Variants in CNNM2 observed in about 807,000 individuals in gnomAD.
CNNM2 encodes metal transporter CNNM2.
In CNNM2, 12 loss-of-function variants were observed where a neutral mutation model predicts 66.9. That is an observed-to-expected ratio of 0.18 (90% CI 0.11 to 0.29). The LOEUF (loss-of-function observed/expected upper bound fraction) is 0.29, where lower values mean the gene tolerates loss of function less well. CNNM2 is among the 10% of genes least tolerant of loss of function. The pLI is 1.00. For synonymous variants in CNNM2, 557 were observed against 501.8 expected, an observed-to-expected ratio of 1.11 and a Z score of -1.47; for missense variants, 705 against 1,167.7, an observed-to-expected ratio of 0.60 and a Z score of 5.77.
intron 1 of CNNM2, among the ~76,000 whole-genome samples, chr10:103,005,937 C>T (rs1246851216): frequency 1.3e-5 from 2 of 152,022 alleles, no homozygotes; most frequent in Non-Finnish European, 2.9e-5. Flanking sequence ...CCATATTGCC[C>T]AGGCTGGTCT....
intron 1 of CNNM2, among the ~76,000 whole-genome samples, chr10:103,048,467 C>T (rs888277398): frequency 6.6e-5 from 10 of 152,140 alleles, no homozygotes; most frequent in South Asian, 2.1e-4. Context: ...CTACCTGCCT[C>T]AGCCTCCCAA....
At chr10:103,011,592 A>C (rs753785946) in intron 1 of CNNM2, among the ~76,000 whole-genome samples, 1 of 152,144 alleles carries the variant, frequency 6.6e-6, no homozygotes, top group Non-Finnish European at 1.5e-5. Context: ...AAGAAAATGC[A>C]AAAAGCAACT....
At position 103,056,873 on chromosome 10, in the gene CNNM2, A is replaced by G. The variant is rs774171664; in HGVS notation, c.1982A>G (p.Glu661Gly). 2.5e-6 allele frequency: 4 copies of G among 1,614,004 alleles called. No homozygotes were observed. The highest frequency in any genetic ancestry group is 3.4e-6 in the Non-Finnish European group (4 of 1,179,886). The change falls in exon 4 of 8, where the codon GAA becomes GGA. Residue 661 changes from glutamate to glycine, a missense_variant. Glu to Gly is a moderately conservative substitution (Grantham distance 98, BLOSUM62 -2). Coordinates refer to ENST00000369878, the MANE Select transcript of CNNM2 (RefSeq NM_017649.5). ...CTAAAGCACCCCAATGTCATCCAGG[A>G]ACTGAAATATGATGAGAAGAACAAG... is the stretch of plus-strand genomic sequence containing the variant. ...RLLKHPNVIQ[E>G]LKYDEKNKKA...
intron 4 of CNNM2, among the ~76,000 whole-genome samples, chr10:103,067,895 T>A (rs1473166203): frequency 6.6e-6 from 1 of 152,218 alleles, no homozygotes; most frequent in Non-Finnish European, 1.5e-5. Context: ...GGAATTTAAG[T>A]GCCTCCAGGA....
intron 1 of CNNM2, among the ~76,000 whole-genome samples, chr10:103,030,369 T>C (rs1004970972): frequency 2.0e-5 from 3 of 152,102 alleles, no homozygotes; most frequent in Admixed American, 2.0e-4. Flanking sequence ...ACATTAGAAG[T>C]AATGAGGACT....
At chr10:102,941,308 A>G (rs528185849) in intron 1 of CNNM2, among the ~76,000 whole-genome samples, 12 of 151,942 alleles carry the variant, frequency 7.9e-5, no homozygotes, top group Non-Finnish European at 1.5e-4. Flanking sequence ...GGGTCTCGCT[A>G]TGTTGCCCAG....
At position 103,078,447 on chromosome 10, in the gene CNNM2, G is replaced by A. The variant is rs1188634548; in HGVS notation, c.*1267G>A. On this transcript the variant is annotated 3_prime_UTR_variant, in exon 8 of 8. Transcript: ENST00000369878. Reference sequence around the variant, plus strand: ...GCCAGAGAGGCTGCCTGTACAGCCAGGGTCAGTTTGGCCCCAAACAGGGAT... The same window carrying A: ...GCCAGAGAGGCTGCCTGTACAGCCAAGGTCAGTTTGGCCCCAAACAGGGAT... The A allele has an allele frequency of 6.6e-6, 1 of 152,268 alleles. No homozygotes were observed. Among genetic ancestry groups the A allele is most frequent in the African/African-American group, 2.4e-5 (1 of 41,480 alleles). The allele number at this position is 152,268 out of a possible 1,614,324, so 9.4% of individuals were successfully genotyped here.
At chr10:102,954,311 G>T (rs1477604987) in intron 1 of CNNM2, among the ~76,000 whole-genome samples, 1 of 150,988 alleles carries the variant, frequency 6.6e-6, no homozygotes, top group Non-Finnish European at 1.5e-5. Context: ...GTATTTTTGG[G>T]GTCTCACTAT....
At position 103,054,495 on chromosome 10, in the gene CNNM2, C is replaced by G. The variant is rs763806411; in HGVS notation, c.1903+29C>G. 1 of 1,611,158 alleles carries G rather than the reference C, an allele frequency of 6.2e-7. No individual in the cohort carries two copies. The highest frequency in any genetic ancestry group is 2.2e-5 in the East Asian group (1 of 44,838). ...AGTGCAGCTTATCACAGTTTGAGAT[C>G]TCTACCAACCCTGAAGCGTGTTTCT... On this transcript the variant is annotated intron_variant, in intron 3 of 7. Coordinates refer to ENST00000369878, the MANE Select transcript of CNNM2 (RefSeq NM_017649.5). The surrounding 1 kb of genome is among the most constrained non-coding windows in gnomAD (Gnocchi z 5.2).
At chr10:103,036,894 A>G (rs1333652132) in intron 1 of CNNM2, among the ~76,000 whole-genome samples, 1 of 152,194 alleles carries the variant, frequency 6.6e-6, no homozygotes, top group Non-Finnish European at 1.5e-5. Context: ...GGGTATGGCT[A>G]TAAAAGGGAA....
Position 103,089,981 on chromosome 10 carries a change from T to G in CNNM2, c.*12801T>G. On this transcript the variant is annotated 3_prime_UTR_variant, in exon 8 of 8. Coordinates refer to ENST00000369878, the MANE Select transcript of CNNM2 (RefSeq NM_017649.5). ...GCTACTCCCCAAATCCTAACCCCTCTCCTCTGTTAGGTGGCCATGCAATTA... is the reference window on the plus strand; with the variant it reads ...GCTACTCCCCAAATCCTAACCCCTCGCCTCTGTTAGGTGGCCATGCAATTA... 1 of 1,252,992 alleles carries G rather than the reference T, an allele frequency of 8.0e-7. No homozygotes were observed. The highest frequency in any genetic ancestry group is 1.1e-6 in the Non-Finnish European group (1 of 907,960). The allele number at this position is 1,252,992 out of a possible 1,614,324, so 77.6% of individuals were successfully genotyped here.
At chr10:103,046,700 T>C (rs190586472) in intron 1 of CNNM2, among the ~76,000 whole-genome samples, 1 of 152,340 alleles carries the variant, frequency 6.6e-6, no homozygotes, top group Non-Finnish European at 1.5e-5. Context: ...TTTGCATGTC[T>C]AATCAAGCTA....
intron 1 of CNNM2, among the ~76,000 whole-genome samples, chr10:102,969,239 A>C (rs1414882070): frequency 6.7e-6 from 1 of 148,904 alleles, no homozygotes; most frequent in African/African-American, 2.5e-5. Flanking sequence ...TTTGAGGCGG[A>C]GTCTCGCCCT....
chr10:103,002,087 A>G (rs919556177), intron 1 of CNNM2, among the ~76,000 whole-genome samples: 6 of 152,244 alleles, frequency 3.9e-5, no homozygotes, highest in Admixed American at 3.9e-4. Context: ...GCTTTCTTAG[A>G]TATGACACCA....
intron 1 of CNNM2, among the ~76,000 whole-genome samples, chr10:102,974,244 G>A (rs2063590304): frequency 6.6e-6 from 1 of 152,064 alleles, no homozygotes; most frequent in Non-Finnish European, 1.5e-5. Flanking sequence ...CATAAGAGAG[G>A]GAAAAGCACA....
intron 1 of CNNM2, among the ~76,000 whole-genome samples, chr10:103,006,897 A>T (rs760653227): frequency 2.0e-5 from 3 of 152,158 alleles, no homozygotes; most frequent in Non-Finnish European, 4.4e-5. Flanking sequence ...CTGCTGAAGC[A>T]CTGGTATTAA....
At chr10:103,006,830 G>A (rs944423472) in intron 1 of CNNM2, among the ~76,000 whole-genome samples, 5 of 151,696 alleles carry the variant, frequency 3.3e-5, no homozygotes, top group African/African-American at 9.7e-5. Context: ...ATGGGGTCTC[G>A]CTATGTTGCC....
chr10:102,966,318 T>C (rs2063463893), intron 1 of CNNM2, among the ~76,000 whole-genome samples: 1 of 152,188 alleles, frequency 6.6e-6, no homozygotes, highest in African/African-American at 2.4e-5. Context: ...TTTTTGCCAC[T>C]GTTCATGCTA....
At chr10:102,995,808 C>T (rs1283728556) in intron 1 of CNNM2, among the ~76,000 whole-genome samples, 1 of 151,934 alleles carries the variant, frequency 6.6e-6, no homozygotes. Flanking sequence ...CTCACCACAA[C>T]CTCCGCCTCA....
Sources: gnomAD v4.1 joint callset for allele counts (sites outside exome capture counted in the v4.1 genomes callset) on GRCh38, gnomAD v4.1.1 for gene constraint, Gnocchi (gnomAD v3.1) non-coding constraint, MANE v1.5 for transcripts, NCBI Gene and HGNC (gene_info 2026-07-23, HGNC 2026-07-21) for gene names.